KIN: variants seen among roughly 807,000 people sequenced by gnomAD.
KIN encodes the protein DNA/RNA-binding protein KIN17.
KIN carries 47 observed loss-of-function variants against 63.0 expected under a neutral mutation model. The observed-to-expected ratio is 0.75, with a 90% CI of 0.59 to 0.95. The LOEUF is 0.95. Among genes scored for constraint, KIN ranks in the 40% least tolerant of loss-of-function variants. The pLI, the probability that KIN is intolerant of heterozygous loss-of-function variation, is 0.00. For missense variants in KIN, 408 were observed against 460.9 expected, an observed-to-expected ratio of 0.89 and a Z score of 1.05; for synonymous variants, 160 against 157.7, an observed-to-expected ratio of 1.01 and a Z score of -0.11.
At position 7,787,985 on chromosome 10, in the gene KIN, A is replaced by G. The variant is rs1309200750; in HGVS notation, c.-52T>C. The G allele has an allele frequency of 7.6e-6, 11 of 1,454,650 alleles. No homozygotes were observed. Among genetic ancestry groups the G allele is most frequent in the Non-Finnish European group, 1.1e-5 (11 of 1,034,776 alleles). The allele number at this position is 1,454,650 out of a possible 1,614,324, so 90.1% of individuals were successfully genotyped here. A position where few individuals can be genotyped will look rare whatever the true frequency, so the allele number is the denominator to read the frequency against. On this transcript the variant is annotated 5_prime_UTR_variant, in exon 1 of 13. Coordinates refer to ENST00000379562, the MANE Select transcript of KIN (RefSeq NM_012311.4). ...GGACCCCAGTACTCAGCCAGCCGGA[A>G]ACGGAACCGGGCTGGCGGCGGTGGG...
chr10:7,751,299 A>G lies in KIN; in HGVS notation c.*4781T>C, dbSNP rs1208044489. The G allele has an allele frequency of 6.6e-6, 1 of 152,200 alleles. No individual in the cohort carries two copies. Among genetic ancestry groups the G allele is most frequent in the East Asian group, 1.9e-4 (1 of 5,204 alleles). The allele number at this position is 152,200 out of a possible 1,614,324, so 9.4% of individuals were successfully genotyped here. On this transcript the variant is annotated 3_prime_UTR_variant, in exon 13 of 13. Transcript: ENST00000379562. ...TCCTTTCCATAATCTGGTAAAAATC[A>G]TTTTTCATTGTAGAGGCAAAACTCT...
Position 7,756,142 on chromosome 10 carries a change from C to A in KIN, c.1120G>T (p.Gly374Cys), listed in dbSNP as rs764378394. 1.3e-6 allele frequency: 2 copies of A among 1,542,136 alleles called. No individual in the cohort carries two copies. The highest frequency in any genetic ancestry group is 1.8e-6 in the Non-Finnish European group (2 of 1,137,704). ...TFSATIVIET[G>C]PLKGRRVEGI... ...TCAACTCTGCGTCCTTTTAAAGGGCCCTACAAATTAAAATAATTTAAAATA... is the reference window on the plus strand; with the variant it reads ...TCAACTCTGCGTCCTTTTAAAGGGCACTACAAATTAAAATAATTTAAAATA... Residue 374 changes from glycine (G) to cysteine (C), a missense_variant and splice_region_variant, in exon 13 of 13, where the codon GGC (glycine) becomes TGC (cysteine). This residue lies in a region of KIN where 298 missense variants were observed against 296.0 expected (regional missense o/e 1.01). Coordinates refer to ENST00000379562, the MANE Select transcript of KIN (RefSeq NM_012311.4).
chr10:7,779,951 G>T, intron 4 of KIN, 105 bp downstream of exon 4: 1 of 1,175,640 alleles, frequency 8.5e-7, no homozygotes, highest in African/African-American at 1.5e-5. Context: ...CGATGAAAAA[G>T]CAAAACACTG....
chr10:7,777,046 A>G (rs1034604206), intron 5 of KIN, among the ~76,000 whole-genome samples: 1 of 109,224 alleles, frequency 9.2e-6, no homozygotes, highest in South Asian at 3.1e-4. Context: ...AGAGAGAGAC[A>G]GTCTCTCAAA....
chr10:7,783,700 A>T (rs1336933012), intron 1 of KIN, among the ~76,000 whole-genome samples: 3 of 152,148 alleles, frequency 2.0e-5, no homozygotes, highest in Non-Finnish European at 4.4e-5. Flanking sequence ...AAAAACATAC[A>T]AGTTTTGACT....
chr10:7,782,069 A>G (rs904666560), intron 2 of KIN, among the ~76,000 whole-genome samples: 1 of 152,160 alleles, frequency 6.6e-6, no homozygotes, highest in African/African-American at 2.4e-5. Flanking sequence ...CAATAATAAT[A>G]ACAATAATAA....
intron 2 of KIN, among the ~76,000 whole-genome samples, chr10:7,782,427 C>T (rs757941905): frequency 6.9e-5 from 10 of 145,848 alleles, no homozygotes; most frequent in Non-Finnish European, 1.5e-4. Flanking sequence ...TAGACAGAGT[C>T]TTGCTCTGTC....
At chr10:7,777,053 C>CAAA (rs60757813) in intron 5 of KIN, among the ~76,000 whole-genome samples, 89 of 80,646 alleles carry the variant, frequency 1.1e-3, no homozygotes, top group Admixed American at 1.3e-3. Context: ...GACAGTCTCT[C>CAAA]AAAAAAAAAA....
intron 8 of KIN, among the ~76,000 whole-genome samples, chr10:7,767,097 T>C (rs911937579): frequency 6.6e-6 from 1 of 152,106 alleles, no homozygotes; most frequent in African/African-American, 2.4e-5. Flanking sequence ...GTATGCATTA[T>C]ATTCAAAAAA....
At chr10:7,783,370 A>G (rs1394359897) in intron 1 of KIN, among the ~76,000 whole-genome samples, 195 bp from the exon 2 acceptor site, 2 of 152,218 alleles carry the variant, frequency 1.3e-5, no homozygotes, top group Non-Finnish European at 2.9e-5. Flanking sequence ...CTGCTAATCA[A>G]AGAATAATCC....
Position 7,751,886 on chromosome 10 carries a change from T to G in KIN, c.*4194A>C, listed in dbSNP as rs1324957069. On this transcript the variant is annotated 3_prime_UTR_variant, in exon 13 of 13. Transcript: ENST00000379562. ...AACGATGTACTAAAAATACAAAAAA[T>G]TAGCCGGGCGCGGTGGCGGGCGCCT... 2.2e-3 allele frequency: 4 copies of G among 1,808 alleles called. 2 individuals carry two copies. Among genetic ancestry groups the G allele is most frequent in the Non-Finnish European group, 4.1e-3 (4 of 964 alleles). The allele number at this position is 1,808 out of a possible 1,614,324, so 0.1% of individuals were successfully genotyped here. A position where few individuals can be genotyped will look rare whatever the true frequency, so the allele number is the denominator to read the frequency against.
At chr10:7,777,793 G>A (rs1405144957) in intron 5 of KIN, among the ~76,000 whole-genome samples, 1 of 152,084 alleles carries the variant, frequency 6.6e-6, no homozygotes, top group Non-Finnish European at 1.5e-5. Flanking sequence ...CAGCTACTTG[G>A]GAGGCTGAGA....
chr10:7,786,077 A>C (rs918087802), intron 1 of KIN, among the ~76,000 whole-genome samples: 10 of 152,228 alleles, frequency 6.6e-5, no homozygotes, highest in African/African-American at 2.4e-4. Flanking sequence ...GTGTCAATGT[A>C]GTTTCATCCA....
intron 10 of KIN, among the ~76,000 whole-genome samples, chr10:7,763,245 G>C (rs371533258): frequency 1.8e-4 from 27 of 152,274 alleles, no homozygotes; most frequent in African/African-American, 6.3e-4. Flanking sequence ...AACAGAGCCA[G>C]ACTCTGTCTC....
chr10:7,764,604 GTATT>G (rs1835502266), intron 9 of KIN, among the ~76,000 whole-genome samples: 1 of 152,176 alleles, frequency 6.6e-6, no homozygotes, highest in South Asian at 2.1e-4. Flanking sequence ...TGGGGAGAGG[GTATT>G]TAATAGTAGA....
In KIN at chr10:7,758,353, A is replaced by C. The variant is rs368044935; in HGVS notation, c.1119+1537T>G. On this transcript the variant is annotated intron_variant, in intron 12 of 12. Coordinates refer to ENST00000379562, the MANE Select transcript of KIN (RefSeq NM_012311.4). ...CCAAAGTGCTGGAATTACAGGCATGAGCCACCATGCCAAGCTGGTAGATTC... is the reference window on the plus strand; with the variant it reads ...CCAAAGTGCTGGAATTACAGGCATGCGCCACCATGCCAAGCTGGTAGATTC... Among the ~76,000 whole-genome samples the C allele has an allele frequency of 2.5e-4, 38 of 152,322 alleles. No homozygotes were observed. The East Asian group carries it at 6.9e-3, about 28-fold the overall frequency.
chr10:7,754,411 GAT>G lies in KIN; in HGVS notation c.*1667_*1668del, dbSNP rs1318668607. 2 of 210,334 alleles carry G rather than the reference GAT, an allele frequency of 9.5e-6. No homozygotes were observed. The highest frequency in any genetic ancestry group is 4.7e-5 in the African/African-American group (2 of 42,644). The allele number at this position is 210,334 out of a possible 1,614,324, so 13.0% of individuals were successfully genotyped here. On this transcript the variant is annotated 3_prime_UTR_variant, in exon 13 of 13. Transcript: ENST00000379562. The stretch of plus-strand genomic sequence containing the variant: ...GCACTTTGGGAGGCTGAGGCGGGCA[GAT>G]CATAAGGTCAAGAGATCGAGACCAT...
intron 7 of KIN, among the ~76,000 whole-genome samples, chr10:7,774,005 A>C (rs1253344101): frequency 6.6e-6 from 1 of 152,246 alleles, no homozygotes; most frequent in Non-Finnish European, 1.5e-5. Flanking sequence ...CTAAGGGCCA[A>C]ATGCCAGCTG....
rs1428793638 is a variant in KIN at position 7,772,038 on chromosome 10, GAGC to G, written c.669-2696_669-2694del. 2.0e-5 allele frequency among the ~76,000 whole-genome samples: 3 copies of G among 152,118 alleles called. No individual in the cohort carries two copies. In the East Asian group the frequency reaches 5.8e-4, roughly 29 times the overall value. The stretch of plus-strand genomic sequence containing the variant: ...GATGTAAAGGGCATTCCAGGAAGGG[GAGC>G]AGCAGATGTAAAGGCAAGAAAGGGC... On this transcript the variant is annotated intron_variant, in intron 7 of 12. Coordinates refer to ENST00000379562, the MANE Select transcript of KIN (RefSeq NM_012311.4).
Sources: allele counts gnomAD v4.1 joint callset (sites outside exome capture counted in the v4.1 genomes callset), GRCh38; gene constraint gnomAD v4.1.1; regional missense constraint gnomAD v4.1.1; transcripts MANE v1.5; gene names NCBI Gene and HGNC (gene_info 2026-07-23, HGNC 2026-07-21).